Variants in CLEC2A observed in about 807,000 individuals in gnomAD.
The protein encoded by CLEC2A is keratinocyte-associated C-type lectin.
Under a neutral mutation model 18.6 loss-of-function variants are expected in CLEC2A, and 19 were observed. The ratio of observed to expected loss-of-function variants is 1.02; its 90% CI spans 0.71 to 1.50. The LOEUF is 1.50. Among genes scored for constraint, CLEC2A ranks in the 40% most tolerant of loss-of-function variants. The pLI, the probability that CLEC2A is intolerant of heterozygous loss-of-function variation, is 0.00. For missense variants in CLEC2A, 190 were observed against 207.9 expected, an observed-to-expected ratio of 0.91 and a Z score of 0.53; for synonymous variants, 74 against 64.0, an observed-to-expected ratio of 1.16 and a Z score of -0.75.
At position 9,898,999 on chromosome 12, in the gene CLEC2A, C is replaced by T. The variant is rs140244064; in HGVS notation, c.411-23G>A. The stretch of plus-strand genomic sequence containing the variant: ...GGCCTGAAAGCAAGAACAGACAAAC[C>T]GGATTATTAGAAAACATATATCAAA... On this transcript the variant is annotated intron_variant, in intron 4 of 4. Transcript: ENST00000339766. 437 of 709,176 alleles carry T rather than the reference C, an allele frequency of 6.2e-4. 20 individuals are homozygous for T. The South Asian group carries it at 6.3e-3, about 10-fold the overall frequency. 43.9% of individuals were successfully genotyped at this position (709,176 alleles called of 1,614,324 possible).
the CLEC2A span, among the ~76,000 whole-genome samples, chr12:9,884,235 A>G: frequency 6.2e-3 from 949 of 152,190 alleles, 9 homozygotes; most frequent in African/African-American, 0.022. Context: ...ATTCCTTTAT[A>G]AGGAAGCTAT....
the CLEC2A span, among the ~76,000 whole-genome samples, chr12:9,886,616 A>G: frequency 1.3e-5 from 2 of 152,180 alleles, no homozygotes; most frequent in East Asian, 3.8e-4. Context: ...AATGCTTATT[A>G]CCAATTAAAT....
intron 3 of CLEC2A, among the ~76,000 whole-genome samples, chr12:9,921,024 G>A (rs1863163523): frequency 6.6e-6 from 1 of 152,188 alleles, no homozygotes; most frequent in South Asian, 2.1e-4. Context: ...TAGTCATCTT[G>A]CCTGGGTTCA....
In CLEC2A at chr12:9,913,460, C is replaced by T; in HGVS notation, c.*106G>A. On this transcript the variant is annotated 3_prime_UTR_variant, in exon 5 of 5. Transcript: ENST00000455827. ...TATAAACTAGAAAATGGGCCCTCAC[C>T]AGAGGTTCCGTATTCTGTAACAGAA... 7.0e-7 allele frequency: 1 copy of T among 1,436,466 alleles called. No individual in the cohort carries two copies. The highest frequency in any genetic ancestry group is 9.1e-7 in the Non-Finnish European group (1 of 1,103,348). 89.0% of individuals were successfully genotyped at this position (1,436,466 alleles called of 1,614,324 possible). A position where few individuals can be genotyped will look rare whatever the true frequency, so the allele number is the denominator to read the frequency against.
chr12:9,919,731 A>G (rs916817506), intron 3 of CLEC2A, among the ~76,000 whole-genome samples: 1 of 151,934 alleles, frequency 6.6e-6, no homozygotes, highest in Admixed American at 6.5e-5. Context: ...TCCAGTCCCT[A>G]TTTACCTCGG....
chr12:9,917,135 T>G (rs2401642), intron 3 of CLEC2A, among the ~76,000 whole-genome samples: 62,850 of 152,018 alleles, frequency 0.41, 14,052 homozygotes, highest in Non-Finnish European at 0.51. Context: ...TTTACTGCAA[T>G]GAAATCTATT....
chr12:9,896,421 A>G (rs1862756128), downstream of CLEC2A, among the ~76,000 whole-genome samples: 3 of 152,140 alleles, frequency 2.0e-5, no homozygotes, highest in South Asian at 6.2e-4. Flanking sequence ...TATTCAAATA[A>G]AATAAAATAA....
rs1240324538 is a variant in CLEC2A, at chr12:9,913,647, G to T, written c.444C>A (p.Phe148Leu). 19 of 1,549,248 alleles carry T rather than the reference G, an allele frequency of 1.2e-5. No homozygotes were observed. The highest frequency in any genetic ancestry group is 1.7e-5 in the Non-Finnish European group (19 of 1,146,670). ...FEIIGNGSFA[F>L]LSADGVHSSR... ...AACTATGGACTCCATCAGCACTCAA[G>T]AAAGCAAAGGATCCGTTCCCTATAA... is the stretch of plus-strand genomic sequence containing the variant. Residue 148 changes from phenylalanine (F) to leucine (L), a missense_variant, in exon 5 of 5, where the codon TTC (phenylalanine) becomes TTA (leucine). Phe to Leu is a conservative substitution (Grantham distance 22, BLOSUM62 0). Transcript: ENST00000455827.
chr12:9,915,832 A>G lies in CLEC2A; in HGVS notation c.410+868T>C, dbSNP rs572545531. On this transcript the variant is annotated intron_variant, in intron 4 of 4. Transcript: ENST00000455827. ...ACACATACCTATGTAACAAACCTAC[A>G]CATTTTGCATTTGTATCCCAGAACT... is the stretch of plus-strand genomic sequence containing the variant. Among the ~76,000 whole-genome samples the G allele has an allele frequency of 5.9e-5, 9 of 152,274 alleles. No individual in the cohort carries two copies. In the East Asian group the frequency reaches 1.5e-3, roughly 26 times the overall value.
chr12:9,900,378 A>C (rs923053192), intron 4 of CLEC2A, among the ~76,000 whole-genome samples: 1 of 152,192 alleles, frequency 6.6e-6, no homozygotes, highest in Non-Finnish European at 1.5e-5. Context: ...ACAAATGTAT[A>C]AGCTTTGAAA....
intron 4 of CLEC2A, among the ~76,000 whole-genome samples, chr12:9,916,108 TA>T (rs569091473): frequency 2.0e-4 from 31 of 151,982 alleles, no homozygotes; most frequent in African/African-American, 5.5e-4. Context: ...TAATATTGCT[TA>T]TGATGAACAT....
At chr12:9,896,514 T>G (rs186634452), downstream of CLEC2A, among the ~76,000 whole-genome samples, 1 of 152,162 alleles carries the variant, frequency 6.6e-6, no homozygotes, top group East Asian at 1.9e-4. Context: ...TATGTACGGA[T>G]GTTAACACTG....
intron 4 of CLEC2A, among the ~76,000 whole-genome samples, 152 bp from the exon 5 acceptor site, chr12:9,913,832 T>C (rs1863026373): frequency 1.3e-5 from 2 of 152,192 alleles, no homozygotes; most frequent in Admixed American, 1.3e-4. Context: ...TTAAAATATC[T>C]GGTATATTAA....
rs12312990 is a variant in CLEC2A, at chr12:9,908,065, C to A, written c.410+8635G>T. Among the ~76,000 whole-genome samples, 295 of 152,310 alleles carry A rather than the reference C, an allele frequency of 1.9e-3. 1 individual carries two copies. Among genetic ancestry groups the A allele is most frequent in the African/African-American group, 6.9e-3 (285 of 41,570 alleles). ...GTGTTAAAAGAGGACATGCAGGGTT[C>A]AAGAAGCCCGTCTTGAATGACGCTT... On this transcript the variant is annotated intron_variant, in intron 4 of 4. Coordinates refer to the CLEC2A transcript ENST00000339766.
At chr12:9,891,804 G>T in the CLEC2A span, among the ~76,000 whole-genome samples, 1 of 151,930 alleles carries the variant, frequency 6.6e-6, no homozygotes, top group Non-Finnish European at 1.5e-5. Flanking sequence ...AATTATACTT[G>T]CTCAGGTTAC....
chr12:9,883,633 C>T, the CLEC2A span, among the ~76,000 whole-genome samples: 5 of 152,192 alleles, frequency 3.3e-5, no homozygotes, highest in South Asian at 2.1e-4. Flanking sequence ...TGTATTTTGA[C>T]GATTTTCAAT....
At chr12:9,912,601 A>G (rs1863003601), downstream of CLEC2A, among the ~76,000 whole-genome samples, 1 of 152,052 alleles carries the variant, frequency 6.6e-6, no homozygotes, top group African/African-American at 2.4e-5. Flanking sequence ...GCCCATGTCC[A>G]TAAAAATCTA....
chr12:9,926,199 G>A (rs1863268867), intron 2 of CLEC2A, 61 bp downstream of exon 2: 1 of 983,380 alleles, frequency 1.0e-6, no homozygotes, highest in African/African-American at 1.6e-5. Context: ...TTAAACTTGA[G>A]ATATACATGG....
the CLEC2A span, chr12:9,892,939 C>A: frequency 1.7e-6 from 2 of 1,160,768 alleles, no homozygotes; most frequent in South Asian, 1.7e-5. Flanking sequence ...ATCTATTTTC[C>A]AAGTAGTCAC....
Sources: gnomAD v4.1 joint callset for allele counts (sites outside exome capture counted in the v4.1 genomes callset) on GRCh38, gnomAD v4.1.1 for gene constraint, MANE v1.5 for transcripts, NCBI Gene and HGNC (gene_info 2026-07-23, HGNC 2026-07-21) for gene names.